Variants in UIMC1 observed in about 807,000 individuals in gnomAD.
The protein encoded by UIMC1 is ubiquitin interaction motif containing 1.
A neutral mutation model predicts 84.9 loss-of-function variants in UIMC1; 42 were observed. That is an observed-to-expected ratio of 0.49 (90% CI 0.39 to 0.64). UIMC1 has a LOEUF of 0.64. Among genes scored for constraint, UIMC1 ranks in the 30% least tolerant of loss-of-function variants. The pLI is 0.00. For synonymous variants in UIMC1, 281 were observed against 293.0 expected, an observed-to-expected ratio of 0.96 and a Z score of 0.42; for missense variants, 825 against 847.6, an observed-to-expected ratio of 0.97 and a Z score of 0.33.
intron 10 of UIMC1, among the ~76,000 whole-genome samples, chr5:176,931,118 T>C (rs1465796916): frequency 6.6e-6 from 1 of 152,210 alleles, no homozygotes; most frequent in Admixed American, 6.5e-5. Flanking sequence ...TTCTCTAATA[T>C]TAATTTCATC....
chr5:176,993,474 C>T (rs976934773), intron 1 of UIMC1, among the ~76,000 whole-genome samples: 4 of 152,060 alleles, frequency 2.6e-5, no homozygotes, highest in Admixed American at 1.3e-4. Flanking sequence ...CAGATGTGAG[C>T]CTCCATGCCC....
Position 177,006,705 on chromosome 5 carries a change from G to A in UIMC1, c.-64C>T, listed in dbSNP as rs1775322841. The A allele has an allele frequency of 6.6e-6, 1 of 152,036 alleles. No individual in the cohort carries two copies. The highest frequency in any genetic ancestry group is 6.5e-5 in the Admixed American group (1 of 15,268). The allele number at this position is 152,036 out of a possible 1,614,324, so 9.4% of individuals were successfully genotyped here. A position where few individuals can be genotyped will look rare whatever the true frequency, so the allele number is the denominator to read the frequency against. ...TCCGGGTTGCCGGGGGTCGCGAGCC[G>A]CCACACGTTGGGAGCGCGGGGGGAG... On this transcript the variant is annotated 5_prime_UTR_variant, in exon 1 of 15. Coordinates refer to ENST00000511320, the MANE Select transcript of UIMC1 (RefSeq NM_001199298.2).
rs1033122937 is a variant in UIMC1, at chr5:176,970,988, T to C, written c.233-122A>G. 6.2e-6 allele frequency: 8 copies of C among 1,295,050 alleles called. No individual in the cohort carries two copies. The African/African-American group carries it at 9.0e-5, about 15-fold the overall frequency. 80.2% of individuals were successfully genotyped at this position (1,295,050 alleles called of 1,614,324 possible). On this transcript the variant is annotated intron_variant, in intron 3 of 14. Transcript: ENST00000511320. Reference sequence around the variant, plus strand: ...ACTACCAGACCACTTAGTACAATTTTATAATCTTGTAAATGAGGAAAACCC... The same window carrying C: ...ACTACCAGACCACTTAGTACAATTTCATAATCTTGTAAATGAGGAAAACCC...
intron 6 of UIMC1, 91 bp downstream of exon 6, chr5:176,968,458 AATCAAG>A: frequency 6.8e-7 from 1 of 1,467,768 alleles, no homozygotes; most frequent in Non-Finnish European, 9.1e-7. Context: ...TTACTTTAAT[AATCAAG>A]GAGGGGAAGA....
intron 1 of UIMC1, among the ~76,000 whole-genome samples, chr5:177,017,042 GAAATGAAATGAA>G (rs200216314): frequency 0.011 from 1,666 of 152,184 alleles, 32 homozygotes; most frequent in African/African-American, 0.038. Context: ...AATGAAATAT[GAAATGAAATGAA>G]AAATGAAATG....
chr5:176,930,870 T>C lies in UIMC1; in HGVS notation c.1597+12465A>G, dbSNP rs142919097. 4.5e-4 allele frequency among the ~76,000 whole-genome samples: 69 copies of C among 152,320 alleles called. 1 individual carries two copies. The East Asian group carries it at 8.7e-3, about 19-fold the overall frequency. ...GTCTAATCCATCAAACCATTTATTCTAGGTAATTGAAAATCTGACAAGGTC... is the reference window on the plus strand; with the variant it reads ...GTCTAATCCATCAAACCATTTATTCCAGGTAATTGAAAATCTGACAAGGTC... On this transcript the variant is annotated intron_variant, in intron 10 of 14. Transcript: ENST00000511320.
chr5:177,003,523 C>T (rs931431405), intron 1 of UIMC1, among the ~76,000 whole-genome samples: 2 of 151,998 alleles, frequency 1.3e-5, no homozygotes, highest in Middle Eastern at 3.2e-3. Context: ...CATGGTGGTG[C>T]GCGCCTGTGA....
At chr5:177,007,644 T>C (rs61216400), upstream of UIMC1, among the ~76,000 whole-genome samples, 19,385 of 152,044 alleles carry the variant, frequency 0.13, 1,654 homozygotes, top group East Asian at 0.19. Context: ...TAAAAATAGG[T>C]AAATTAGAAC....
chr5:177,001,765 C>A (rs1316748798), intron 1 of UIMC1, among the ~76,000 whole-genome samples: 1 of 150,210 alleles, frequency 6.7e-6, no homozygotes, highest in Non-Finnish European at 1.5e-5. Flanking sequence ...CAGTGAAAAC[C>A]CGGCTCTACT....
chr5:176,961,954 C>T (rs1466929621), intron 6 of UIMC1, among the ~76,000 whole-genome samples: 12 of 59,036 alleles, frequency 2.0e-4, no homozygotes, highest in Non-Finnish European at 2.8e-4. Flanking sequence ...GGGTGTCGGC[C>T]CCCCGCCCGG....
rs1766548181 is a variant in UIMC1, at chr5:176,955,965, A to C, written c.1333T>G (p.Cys445Gly). The C allele has an allele frequency of 6.2e-7, 1 of 1,613,806 alleles. No homozygotes were observed. Among genetic ancestry groups the C allele is most frequent in the Non-Finnish European group, 8.5e-7 (1 of 1,179,768 alleles). Residue 445 changes from cysteine to glycine, a missense_variant, in exon 8 of 15, where the codon TGT becomes GGT. Cys to Gly is a radical substitution (Grantham distance 159). Coordinates refer to ENST00000511320, the MANE Select transcript of UIMC1 (RefSeq NM_001199298.2). The part of the protein sequence containing the change: ...PESSAEEITV[C>G]PETQLSSSET... ...ATCACAGTGGGGTACTTACCAGGAC[A>C]AACAGTGATTTCTTCTGCAGAACTC...
At chr5:176,951,431 C>T (rs373682469) in intron 9 of UIMC1, 43 bp downstream of exon 9, 37 of 1,428,534 alleles carry the variant, frequency 2.6e-5, no homozygotes, top group African/African-American at 1.6e-4. Context: ...GGACTGCCAA[C>T]GGAAAGAAAC....
chr5:176,969,179 C>A lies in UIMC1; in HGVS notation c.576G>T (p.Glu192Asp). 1.9e-6 allele frequency: 3 copies of A among 1,614,182 alleles called. No individual in the cohort carries two copies. The highest frequency in any genetic ancestry group is 1.7e-6 in the Non-Finnish European group (2 of 1,180,030). The change falls in exon 6 of 15, where the codon GAG (glutamate) becomes GAT (aspartate). Residue 192 changes from glutamate (E) to aspartate (D), a missense_variant. Glu to Asp is a conservative substitution (Grantham distance 45). Transcript: ENST00000511320. The part of the protein sequence containing the change: ...PWDHTEKTEE[E>D]PVSGSSGSWD... ...AGCTTCCTGAGCTGCCAGAGACCGG[C>A]TCCTCTTCAGTTTTTTCAGTGTGGT...
At chr5:176,999,584 C>T (rs956375782) in intron 1 of UIMC1, among the ~76,000 whole-genome samples, 2 of 151,780 alleles carry the variant, frequency 1.3e-5, no homozygotes, top group Non-Finnish European at 2.9e-5. Context: ...TAGTAACCAT[C>T]CTTCTACTAT....
rs1251001098 is a variant in UIMC1, at chr5:176,930,258, T to A, written c.1597+13077A>T. 2.6e-5 allele frequency among the ~76,000 whole-genome samples: 4 copies of A among 152,198 alleles called. No individual in the cohort carries two copies. In the East Asian group the frequency reaches 7.7e-4, roughly 29 times the overall value. ...TTATATTACCTTTATCTTCTTTTTA[T>A]ACAAACACACAGTTTTACCACAAAT... is the stretch of plus-strand genomic sequence containing the variant. On this transcript the variant is annotated intron_variant, in intron 10 of 14. Coordinates refer to ENST00000511320, the MANE Select transcript of UIMC1 (RefSeq NM_001199298.2).
chr5:176,971,725 A>G (rs1158875945), intron 3 of UIMC1, among the ~76,000 whole-genome samples: 1 of 151,944 alleles, frequency 6.6e-6, no homozygotes, highest in Non-Finnish European at 1.5e-5. Flanking sequence ...CACGGACAAC[A>G]TGGTGAAACC....
At chr5:176,971,189 TA>T (rs1769143781) in intron 3 of UIMC1, among the ~76,000 whole-genome samples, 1 of 152,232 alleles carries the variant, frequency 6.6e-6, no homozygotes, top group Non-Finnish European at 1.5e-5. Context: ...GCTAAATGAA[TA>T]AACAGAGGAA....
At chr5:176,999,452 T>A (rs1046945830) in intron 1 of UIMC1, among the ~76,000 whole-genome samples, 7 of 152,168 alleles carry the variant, frequency 4.6e-5, no homozygotes, top group Admixed American at 1.3e-4. Flanking sequence ...ATTACATTAT[T>A]ATTGACTATA....
At chr5:176,922,602 G>A (rs1761840914) in intron 10 of UIMC1, among the ~76,000 whole-genome samples, 2 of 151,940 alleles carry the variant, frequency 1.3e-5, no homozygotes, top group African/African-American at 2.4e-5. Context: ...ATAATACTTC[G>A]TCTTGTTTTT....
Sources: gnomAD v4.1 joint callset for allele counts (sites outside exome capture counted in the v4.1 genomes callset) on GRCh38, gnomAD v4.1.1 for gene constraint, MANE v1.5 for transcripts, NCBI Gene and HGNC (gene_info 2026-07-23, HGNC 2026-07-21) for gene names.